Variants in FLG observed in about 807,000 individuals in gnomAD.
FLG encodes epidermal filaggrin.
In FLG, 6 loss-of-function variants were observed where a neutral mutation model predicts 3.8. That is an observed-to-expected ratio of 1.60 (90% CI 0.87 to 3.15). The LOEUF is 3.15. Among genes scored for constraint, FLG ranks in the 30% most tolerant of loss-of-function variants. The pLI is 0.00. For synonymous variants in FLG, 2,551 were observed against 1,931.6 expected (o/e 1.32, Z -8.41); for missense variants, 7,595 against 5,050.9 (o/e 1.50, Z -15.27).
At position 152,312,371 on chromosome 1, in the gene FLG, C is replaced by T. The variant is rs751306893; in HGVS notation, c.2515G>A (p.Asp839Asn). 10 of 1,612,538 alleles carry T rather than the reference C, an allele frequency of 6.2e-6. No individual in the cohort carries two copies. Among genetic ancestry groups the T allele is most frequent in the Non-Finnish European group, 8.5e-6 (10 of 1,179,576 alleles). Residue 839 changes from aspartate (D) to asparagine (N), a missense_variant, in exon 3 of 3, where the codon GAC becomes AAC. Transcript: ENST00000368799. Reference sequence around the variant, plus strand: ...GACCCCGGGTGTCCACGAATGGTGTCCTGACCATCTTGGGATGCTGAGTGC... The same window carrying T: ...GACCCCGGGTGTCCACGAATGGTGTTCTGACCATCTTGGGATGCTGAGTGC... ...SRHSASQDGQ[D>N]TIRGHPGSSR...
At chr1:152,324,679 A>G (rs1004945511) in intron 1 of FLG, among the ~76,000 whole-genome samples, 2 of 151,758 alleles carry the variant, frequency 1.3e-5, no homozygotes, top group Non-Finnish European at 2.9e-5. Context: ...TAAGCTTATC[A>G]GCTATTATTA....
chr1:152,319,619 G>A (rs1250143413), intron 1 of FLG, among the ~76,000 whole-genome samples: 1 of 151,356 alleles, frequency 6.6e-6, no homozygotes, highest in Non-Finnish European at 1.5e-5. Context: ...TCAAAGGAGC[G>A]ACAATAAGAT....
intron 1 of FLG, among the ~76,000 whole-genome samples, chr1:152,324,870 AG>A (rs1032797596): frequency 1.2e-4 from 18 of 151,950 alleles, no homozygotes; most frequent in African/African-American, 4.1e-4. Flanking sequence ...CCCCTATTAA[AG>A]GTAAGCTGCT....
rs778991378 is a variant in FLG at position 152,311,697 on chromosome 1, G to C, written c.3189C>G (p.His1063Gln). The change falls in exon 3 of 3, where the codon CAC becomes CAG. Residue 1063 changes from histidine to glutamine, a missense_variant. By Grantham distance (24) the His-to-Gln change is conservative. Transcript: ENST00000368799. ...QASSAVRDSG[H>Q]WGSSGSQASD... is the part of the protein sequence containing the mutation. The stretch of plus-strand genomic sequence containing the variant: ...TGGCCTGACTACCACTGGACCCCCA[G>C]TGTCCACTGTCTCTGACTGCAGATG... 6.2e-7 allele frequency: 1 copy of C among 1,613,998 alleles called. No individual in the cohort carries two copies. Among genetic ancestry groups the C allele is most frequent in the Non-Finnish European group, 8.5e-7 (1 of 1,180,028 alleles).
intron 1 of FLG, among the ~76,000 whole-genome samples, chr1:152,322,860 A>C (rs1653024581): frequency 6.6e-6 from 1 of 151,408 alleles, no homozygotes; most frequent in Non-Finnish European, 1.5e-5. Context: ...TTTTTTTAAA[A>C]AATAAAGATT....
rs1490391569 is a variant in FLG, at chr1:152,311,497, G to T, written c.3389C>A (p.Ala1130Asp). 5.0e-6 allele frequency: 8 copies of T among 1,613,874 alleles called. No homozygotes were observed. The highest frequency in any genetic ancestry group is 6.8e-6 in the Non-Finnish European group (8 of 1,179,960). The change falls in exon 3 of 3, where the codon GCC (alanine) becomes GAC (aspartate). Residue 1130 changes from alanine to aspartate, a missense_variant. Transcript: ENST00000368799. ...QVSTHEQSES[A>D]HGRTRTSTGR... ...AGTGCTGGTCCTGGTCCGCCCATGG[G>T]CAGACTCAGACTGTTCATGAGTGCT...
rs1457338677 is a variant in FLG, at chr1:152,314,586, C to G, written c.300G>C (p.Lys100Asn). 6.2e-7 allele frequency: 1 copy of G among 1,613,786 alleles called. No homozygotes were observed. Among genetic ancestry groups the G allele is most frequent in the Non-Finnish European group, 8.5e-7 (1 of 1,179,896 alleles). ...TATCATGATGACTGTGCTTTCTGTG[C>G]TTGTGTCCTGATATCGGTAAATTCT... is the stretch of plus-strand genomic sequence containing the variant. Reference protein sequence around the residue: ...RKENLPISGHKHRKHSHHDKH... With the variant: ...RKENLPISGHNHRKHSHHDKH... The change falls in exon 3 of 3, where the codon AAG becomes AAC. Residue 100 changes from lysine (K) to asparagine (N), a missense_variant. Transcript: ENST00000368799.
rs771935060 is a variant in FLG at position 152,304,984 on chromosome 1, C to A, written c.9902G>T (p.Arg3301Ile). ...TGACTGCTGGTGGCGGGATCCGTGT[C>A]TCTCTCCTGGACTTGATCTTGCCTG... The part of the protein sequence containing the change: ...HEQARSSPGE[R>I]HGSRHQQSAD... The change falls in exon 3 of 3, where the codon AGA becomes ATA. Residue 3301 changes from arginine (R) to isoleucine (I), a missense_variant. Arg to Ile is a moderately conservative substitution (Grantham distance 97, BLOSUM62 -3). Transcript: ENST00000368799. The A allele has an allele frequency of 8.7e-6, 14 of 1,613,916 alleles. No individual in the cohort carries two copies. The highest frequency in any genetic ancestry group is 1.2e-5 in the Non-Finnish European group (14 of 1,180,000).
rs778832776 is a variant in FLG, at chr1:152,308,760, A to G, written c.6126T>C (p.Ser2042=). The part of the protein sequence containing the change: ...RDSGHRGYSG[S]QASDSEGHSE... ...AATGTCCCTCACTGTCACTGGCCTG[A>G]CTACCACTGTACCCTCGGTGTCCAC... The change falls in exon 3 of 3, where the codon AGT becomes AGC. Residue 2042 remains serine, a synonymous_variant. Coordinates refer to ENST00000368799, the MANE Select transcript of FLG (RefSeq NM_002016.2). 6.2e-7 allele frequency: 1 copy of G among 1,614,022 alleles called. No homozygotes were observed. Among genetic ancestry groups the G allele is most frequent in the East Asian group, 2.2e-5 (1 of 44,872 alleles).
intron 1 of FLG, among the ~76,000 whole-genome samples, chr1:152,317,258 A>G (rs1228495648): frequency 1.3e-5 from 2 of 151,774 alleles, no homozygotes; most frequent in African/African-American, 4.8e-5. Flanking sequence ...CCCACCCTCA[A>G]TCTCACATCT....
rs767229540 is a variant in FLG, at chr1:152,308,674, C to T, written c.6212G>A (p.Ser2071Asn). The change falls in exon 3 of 3, where the codon AGC becomes AAC. Residue 2071 changes from serine to asparagine, a missense_variant. Physicochemically the swap from Ser to Asn is conservative, Grantham distance 46. Coordinates refer to ENST00000368799, the MANE Select transcript of FLG (RefSeq NM_002016.2). Reference sequence around the variant, plus strand: ...CTGGCCACGTGCGGACTCTTTGTGGCTCTGCTGATGGGGCCCAGCTTTTCC... The same window carrying T: ...CTGGCCACGTGCGGACTCTTTGTGGTTCTGCTGATGGGGCCCAGCTTTTCC... Reference protein sequence around the residue: ...AQGKAGPHQQSHKESARGQSG... With the variant: ...AQGKAGPHQQNHKESARGQSG... 1 of 1,614,168 alleles carries T rather than the reference C, an allele frequency of 6.2e-7. No homozygotes were observed. The highest frequency in any genetic ancestry group is 8.5e-7 in the Non-Finnish European group (1 of 1,180,022).
chr1:152,313,921 T>G lies in FLG; in HGVS notation c.965A>C (p.His322Pro), dbSNP rs1369121041. ...RHSGSASRNH[H>P]GSAWEQSRDG... The stretch of plus-strand genomic sequence containing the variant: ...TCTTGACTGCTCCCACGCAGATCCA[T>G]GATGGTTTCTGGAAGCCGACCCAGA... Residue 322 changes from histidine to proline, a missense_variant, in exon 3 of 3, where the codon CAT becomes CCT. Coordinates refer to ENST00000368799, the MANE Select transcript of FLG (RefSeq NM_002016.2). 1.2e-6 allele frequency: 2 copies of G among 1,613,890 alleles called. No individual in the cohort carries two copies.
Position 152,310,955 on chromosome 1 carries a change from A to G in FLG, c.3931T>C (p.Phe1311Leu). ...QSRDGSRHPG[F>L]HQEDRASHGH... ...TGACTGGCTCTGTCTTCTTGATGGA[A>G]CCCAGGGTGTCTGGAGCCATCTCTT... Residue 1311 changes from phenylalanine to leucine, a missense_variant, in exon 3 of 3, where the codon TTC becomes CTC. Coordinates refer to ENST00000368799, the MANE Select transcript of FLG (RefSeq NM_002016.2). 1 of 1,613,424 alleles carries G rather than the reference A, an allele frequency of 6.2e-7. No individual in the cohort carries two copies. Among genetic ancestry groups the G allele is most frequent in the South Asian group, 1.1e-5 (1 of 91,018 alleles).
In FLG at chr1:152,310,957, C is replaced by G. The variant is rs1222240777; in HGVS notation, c.3929G>C (p.Gly1310Ala). Residue 1310 changes from glycine to alanine, a missense_variant, in exon 3 of 3, where the codon GGG (glycine) becomes GCG (alanine). Transcript: ENST00000368799. ...ACTGGCTCTGTCTTCTTGATGGAAC[C>G]CAGGGTGTCTGGAGCCATCTCTTGA... is the stretch of plus-strand genomic sequence containing the variant. Reference protein sequence around the residue: ...EQSRDGSRHPGFHQEDRASHG... With the variant: ...EQSRDGSRHPAFHQEDRASHG... 9 of 1,613,836 alleles carry G rather than the reference C, an allele frequency of 5.6e-6. No homozygotes were observed. The highest frequency in any genetic ancestry group is 1.1e-5 in the South Asian group (1 of 91,046).
chr1:152,323,762 C>G (rs931694016), intron 1 of FLG, among the ~76,000 whole-genome samples: 1 of 150,838 alleles, frequency 6.6e-6, no homozygotes, highest in Non-Finnish European at 1.5e-5. Flanking sequence ...TAAGTCCTAG[C>G]GATTTACTCT....
At position 152,310,903 on chromosome 1, in the gene FLG, T is replaced by A. The variant is rs781272378; in HGVS notation, c.3983A>T (p.Gln1328Leu). 14 of 1,614,120 alleles carry A rather than the reference T, an allele frequency of 8.7e-6. No individual in the cohort carries two copies. In the South Asian group the frequency reaches 1.4e-4, roughly 16 times the overall value. ...AGACTCTGTGTGATGAGTGCCTGAT[T>A]GTCTGGAGCTGTCTGCAGAGTGCCC... ...SHGHSADSSR[Q>L]SGTHHTESSS... The change falls in exon 3 of 3, where the codon CAA (glutamine) becomes CTA (leucine). Residue 1328 changes from glutamine (Q) to leucine (L), a missense_variant. By Grantham distance (113) the Gln-to-Leu change is moderately radical (BLOSUM62 -2). Coordinates refer to ENST00000368799, the MANE Select transcript of FLG (RefSeq NM_002016.2).
In FLG at chr1:152,303,165, G is replaced by C. The variant is rs374091552; in HGVS notation, c.11721C>G (p.Arg3907=). The C allele has an allele frequency of 3.1e-6, 5 of 1,614,008 alleles. No individual in the cohort carries two copies. The Admixed American group carries it at 5.0e-5, about 16-fold the overall frequency. The change falls in exon 3 of 3, where the codon CGC becomes CGG. Residue 3907 remains arginine (R), a synonymous_variant. Coordinates refer to ENST00000368799, the MANE Select transcript of FLG (RefSeq NM_002016.2). ...DGSRHPGSSH[R]DTASHVQSSP... ...AAGACTGTACATGACTGGCTGTATC[G>C]CGGTGAGAGGATCCGGGGTGTCTGG...
In FLG at chr1:152,309,287, G is replaced by T. The variant is rs189906785; in HGVS notation, c.5599C>A (p.Gln1867Lys). The T allele has an allele frequency of 3.7e-5, 59 of 1,613,660 alleles. No homozygotes were observed. Among genetic ancestry groups the T allele is most frequent in the African/African-American group, 8.0e-5 (6 of 74,800 alleles). Residue 1867 changes from glutamine to lysine, a missense_variant, in exon 3 of 3, where the codon CAA becomes AAA. Physicochemically the swap from Gln to Lys is moderately conservative, Grantham distance 53. Coordinates refer to ENST00000368799, the MANE Select transcript of FLG (RefSeq NM_002016.2). ...GQSGSRSVSR[Q>K]TRNEKQSGDG... Reference sequence around the variant, plus strand: ...CCTGATTGTTTCTCATTACGTGTTTGTCTGCTGACACTTCTGGATCCTGAC... The same window carrying T: ...CCTGATTGTTTCTCATTACGTGTTTTTCTGCTGACACTTCTGGATCCTGAC...
In FLG at chr1:152,312,729, G is replaced by T; in HGVS notation, c.2157C>A (p.Ser719Arg). Residue 719 changes from serine to arginine, a missense_variant, in exon 3 of 3, where the codon AGC (serine) becomes AGA (arginine). Physicochemically the swap from Ser to Arg is moderately radical, Grantham distance 110. Coordinates refer to ENST00000368799, the MANE Select transcript of FLG (RefSeq NM_002016.2). ...GSRHQLQSAD[S>R]SRHSGTGHGQ... ...CGTGCCCAGTGCCTGAGTGTCTGGAGCTGTCTGCTGACTGGAGCTGGTGGC... is the reference window on the plus strand; with the variant it reads ...CGTGCCCAGTGCCTGAGTGTCTGGATCTGTCTGCTGACTGGAGCTGGTGGC... 3 of 1,614,060 alleles carry T rather than the reference G, an allele frequency of 1.9e-6. No individual in the cohort carries two copies. Among genetic ancestry groups the T allele is most frequent in the South Asian group, 2.2e-5 (2 of 91,072 alleles).
Sources: gnomAD v4.1 joint callset for allele counts (sites outside exome capture counted in the v4.1 genomes callset) on GRCh38, gnomAD v4.1.1 for gene constraint, MANE v1.5 for transcripts, NCBI Gene and HGNC (gene_info 2026-07-23, HGNC 2026-07-21) for gene names.